GEMIN8: variants seen among roughly 807,000 people sequenced by gnomAD.
The protein encoded by GEMIN8 is gem nuclear organelle associated protein 8.
For missense variants in GEMIN8, 185 were observed against 205.9 expected (o/e 0.90, Z 0.62); for synonymous variants, 80 against 78.5 (o/e 1.02, Z -0.10).
the GEMIN8 span, among the ~76,000 whole-genome samples, chrX:13,994,583 T>C: frequency 8.9e-6 from 1 of 112,492 alleles, no homozygotes; most frequent in Non-Finnish European, 1.9e-5. Context: ...GCTTAAAATA[T>C]GTTTGTGGTG....
At position 14,008,734 on chromosome X, in the gene GEMIN8, T is replaced by C. The variant is rs1923319064; in HGVS notation, c.*179A>G. ...ATCATGTTGGCAACAGAACATGTCC[T>C]GCAGACCTCCAAGTGGCTGGCATAG... On this transcript the variant is annotated 3_prime_UTR_variant, in exon 5 of 5. Transcript: ENST00000680255. 2.1e-6 allele frequency: 1 copy of C among 481,619 alleles called. No individual in the cohort carries two copies. The highest frequency in any genetic ancestry group is 3.4e-5 in the Admixed American group (1 of 29,538). 39.7% of individuals were successfully genotyped at this position (481,619 alleles called of 1,213,427 possible). A position where few individuals can be genotyped will look rare whatever the true frequency, so the allele number is the denominator to read the frequency against.
Position 14,017,250 on chromosome X carries a change from C to T in GEMIN8, c.472+2828G>A, listed in dbSNP as rs1387950174. Among the ~76,000 whole-genome samples the T allele has an allele frequency of 8.1e-5, 9 of 111,258 alleles. No homozygotes were observed. The East Asian group carries it at 1.7e-3, about 21-fold the overall frequency. ...CTGGACCTCTGTGATTCAAGCAGTTCTGCCACAGCTGCCTCCATACACTGT... is the reference window on the plus strand; with the variant it reads ...CTGGACCTCTGTGATTCAAGCAGTTTTGCCACAGCTGCCTCCATACACTGT... On this transcript the variant is annotated intron_variant, in intron 4 of 4. Transcript: ENST00000680255.
chrX:14,008,645 G>C lies in GEMIN8; in HGVS notation c.*268C>G, dbSNP rs911192397. Reference sequence around the variant, plus strand: ...GGCAAGAACGTTAATGAATTGAACTGTTACCAACAACATAAAAAACCAGTA... The same window carrying C: ...GGCAAGAACGTTAATGAATTGAACTCTTACCAACAACATAAAAAACCAGTA... On this transcript the variant is annotated 3_prime_UTR_variant, in exon 5 of 5. Coordinates refer to ENST00000680255, the MANE Select transcript of GEMIN8 (RefSeq NM_001042479.2). 1 of 369,647 alleles carries C rather than the reference G, an allele frequency of 2.7e-6. No homozygotes were observed. Among genetic ancestry groups the C allele is most frequent in the African/African-American group, 2.6e-5 (1 of 39,011 alleles). The allele number at this position is 369,647 out of a possible 1,213,427, so 30.5% of individuals were successfully genotyped here.
the GEMIN8 span, among the ~76,000 whole-genome samples, chrX:13,999,966 A>G: frequency 9.0e-6 from 1 of 111,021 alleles, no homozygotes. Flanking sequence ...CCCTTTCTGT[A>G]CTTTGTTGTT....
chrX:14,020,382 T>A lies in GEMIN8; in HGVS notation c.168A>T (p.Leu56Phe), dbSNP rs772792622. Reference sequence around the variant, plus strand: ...AGCTTTGGGGAAGAAGCGCAGAAGGTAAGTACCATGGAAGATTGAAACAGG... The same window carrying A: ...AGCTTTGGGGAAGAAGCGCAGAAGGAAAGTACCATGGAAGATTGAAACAGG... Reference protein sequence around the residue: ...VESCFNLPWYLPSALLPQSSY... With the variant: ...VESCFNLPWYFPSALLPQSSY... Residue 56 changes from leucine (L) to phenylalanine (F), a missense_variant, in exon 4 of 5, where the codon TTA becomes TTT. Physicochemically the swap from Leu to Phe is conservative, Grantham distance 22 (BLOSUM62 0). Transcript: ENST00000680255. 3 of 1,209,290 alleles carry A rather than the reference T, an allele frequency of 2.5e-6. No individual in the cohort carries two copies. Among genetic ancestry groups the A allele is most frequent in the East Asian group, 3.0e-5 (1 of 33,791 alleles).
chrX:14,010,557 T>C (rs1021878064), intron 4 of GEMIN8, among the ~76,000 whole-genome samples: 4 of 112,341 alleles, frequency 3.6e-5, no homozygotes, highest in African/African-American at 1.3e-4. Flanking sequence ...TAATCAAGTG[T>C]GAATGGAAAG....
chrX:13,994,549 T>C, the GEMIN8 span, among the ~76,000 whole-genome samples: 1 of 112,748 alleles, frequency 8.9e-6, no homozygotes, highest in Non-Finnish European at 1.9e-5. Flanking sequence ...ATCTTTGCAG[T>C]GACCCAGAAA....
At chrX:14,009,515 C>A (rs1187919687) in intron 4 of GEMIN8, among the ~76,000 whole-genome samples, 1 of 110,869 alleles carries the variant, frequency 9.0e-6, no homozygotes, top group Non-Finnish European at 1.9e-5. Context: ...CCACTATACT[C>A]CAGCCCAGGT....
At chrX:14,002,892 C>T (rs915492633), downstream of GEMIN8, among the ~76,000 whole-genome samples, 1 of 111,459 alleles carries the variant, frequency 9.0e-6, no homozygotes, top group Admixed American at 9.6e-5. Flanking sequence ...GTTTTTTGAA[C>T]TCCTCAAATT....
intron 1 of GEMIN8, among the ~76,000 whole-genome samples, chrX:14,029,200 G>C (rs1924853963): frequency 1.8e-5 from 2 of 112,263 alleles, no homozygotes; most frequent in Admixed American, 9.4e-5. Flanking sequence ...AACTGTAGGC[G>C]CCAGATGTCT....
chrX:13,984,725 A>C, the GEMIN8 span, among the ~76,000 whole-genome samples: 2 of 111,288 alleles, frequency 1.8e-5, no homozygotes, highest in Admixed American at 1.9e-4. Context: ...GGCAAGTGGG[A>C]AGATGAGACA....
At chrX:13,997,889 ACT>A in the GEMIN8 span, among the ~76,000 whole-genome samples, 1 of 83,150 alleles carries the variant, frequency 1.2e-5, no homozygotes, top group African/African-American at 4.8e-5. Flanking sequence ...ACAGAACAAG[ACT>A]CTGTCTCAAA....
intron 2 of GEMIN8, among the ~76,000 whole-genome samples, chrX:14,023,915 A>G (rs1924526761): frequency 8.9e-6 from 1 of 112,546 alleles, no homozygotes; most frequent in Admixed American, 9.4e-5. Flanking sequence ...GTCAACTAAA[A>G]TATCAATTAT....
chrX:14,019,270 CAGTT>C (rs760303570), intron 4 of GEMIN8, among the ~76,000 whole-genome samples: 9 of 112,194 alleles, frequency 8.0e-5, no homozygotes, highest in African/African-American at 9.7e-5. Context: ...ATTTGTATCT[CAGTT>C]AGAGGTACTT....
the GEMIN8 span, among the ~76,000 whole-genome samples, chrX:13,992,042 A>ATGAAG: frequency 8.9e-6 from 1 of 112,583 alleles, no homozygotes; most frequent in South Asian, 3.7e-4. Context: ...GTACTCGTCT[A>ATGAAG]CTGGCCATGA....
chrX:14,021,814 G>GTGTGTATATA (rs372889181), intron 2 of GEMIN8, among the ~76,000 whole-genome samples: 3 of 78,287 alleles, frequency 3.8e-5, no homozygotes, highest in African/African-American at 1.6e-4. Flanking sequence ...TAATGTGTGT[G>GTGTGTATATA]TATATATATA....
At chrX:14,001,088 T>G in the GEMIN8 span, among the ~76,000 whole-genome samples, 2 of 111,998 alleles carry the variant, frequency 1.8e-5, no homozygotes, top group Non-Finnish European at 3.8e-5. Flanking sequence ...TTTGAAAAAT[T>G]TACTACGAAA....
At chrX:13,989,424 A>G in the GEMIN8 span, among the ~76,000 whole-genome samples, 1 of 112,015 alleles carries the variant, frequency 8.9e-6, no homozygotes, top group Non-Finnish European at 1.9e-5. Flanking sequence ...TTTGACTTGT[A>G]GTATTATTAG....
intron 4 of GEMIN8, among the ~76,000 whole-genome samples, chrX:14,009,842 C>A (rs1051840344): frequency 1.8e-5 from 2 of 111,835 alleles, no homozygotes; most frequent in Non-Finnish European, 3.8e-5. Context: ...AAAATCACTC[C>A]TTTGGAAGAG....
Sources: gnomAD v4.1 joint callset for allele counts (sites outside exome capture counted in the v4.1 genomes callset) on GRCh38, gnomAD v4.1.1 for gene constraint, MANE v1.5 for transcripts, NCBI Gene and HGNC (gene_info 2026-07-23, HGNC 2026-07-21) for gene names.